COL5A1: variants seen among roughly 807,000 people sequenced by gnomAD.
The protein encoded by COL5A1 is collagen type V alpha 1 chain.
Under a neutral mutation model 263.7 loss-of-function variants are expected in COL5A1, and 16 were observed. The observed-to-expected ratio is 0.06, with a 90% confidence interval of 0.04 to 0.09. The LOEUF is 0.09. Ranked by LOEUF, COL5A1 falls within the 10% of genes least tolerant of loss-of-function variation. COL5A1 has a pLI of 1.00. For synonymous variants in COL5A1, 1,012 were observed against 1,004.5 expected, an observed-to-expected ratio of 1.01 and a Z score of -0.14; for missense variants, 2,036 against 2,540.5, an observed-to-expected ratio of 0.80 and a Z score of 4.27.
At chr9:134,763,798 G>C (rs935148084) in intron 20 of COL5A1, 61 bp downstream of exon 20, 1 of 1,508,896 alleles carries the variant, frequency 6.6e-7, no homozygotes, top group Non-Finnish European at 9.2e-7. Context: ...TTTGTCCAAG[G>C]CTCCTGCTGG....
chr9:134,645,140 G>T (rs1217438251), intron 1 of COL5A1, among the ~76,000 whole-genome samples: 1 of 152,216 alleles, frequency 6.6e-6, no homozygotes, highest in African/African-American at 2.4e-5. Flanking sequence ...CCAGGCAGGG[G>T]CGTGCTCCCA....
chr9:134,662,124 C>T (rs1237555274), intron 1 of COL5A1, among the ~76,000 whole-genome samples: 5 of 146,988 alleles, frequency 3.4e-5, no homozygotes, highest in Non-Finnish European at 7.4e-5. Flanking sequence ...AAATGTGATG[C>T]CTGGTCAATA....
intron 37 of COL5A1, among the ~76,000 whole-genome samples, chr9:134,799,663 T>C (rs545352888): frequency 6.6e-6 from 1 of 152,318 alleles, no homozygotes; most frequent in African/African-American, 2.4e-5. Flanking sequence ...CTCTCTTTGG[T>C]TCATCGTGAT....
rs751422216 is a variant in COL5A1 at position 134,795,070 on chromosome 9, C to T, written c.2701-12C>T. 6.2e-7 allele frequency: 1 copy of T among 1,613,872 alleles called. No homozygotes were observed. Among genetic ancestry groups the T allele is most frequent in the South Asian group, 1.1e-5 (1 of 91,074 alleles). ...TTAGAGAGTGACTGACCAGCCCCTT[C>T]TCTGATTCTAGGGGACCCCTGGAAA... On this transcript the variant is annotated splice_polypyrimidine_tract_variant and intron_variant, in intron 32 of 65. Transcript: ENST00000371817.
chr9:134,809,133 T>G, intron 42 of COL5A1, 50 bp from the exon 43 acceptor site: 1 of 1,443,072 alleles, frequency 6.9e-7, no homozygotes, highest in Non-Finnish European at 9.5e-7. Flanking sequence ...GGTGGGGGGA[T>G]GTTCCCAGGT....
chr9:134,673,549 A>G (rs1832603938), intron 1 of COL5A1, among the ~76,000 whole-genome samples: 1 of 152,184 alleles, frequency 6.6e-6, no homozygotes, highest in Non-Finnish European at 1.5e-5. Context: ...CTTACCTCAA[A>G]TAATATACAA....
chr9:134,823,902 TG>T (rs376462596), intron 61 of COL5A1, among the ~76,000 whole-genome samples: 13 of 152,050 alleles, frequency 8.5e-5, no homozygotes, highest in African/African-American at 2.9e-4. Flanking sequence ...CATGCATATA[TG>T]TGGGGCACAT....
chr9:134,789,820 G>A lies in COL5A1; in HGVS notation c.2700+612G>A, dbSNP rs190917499. Among the ~76,000 whole-genome samples, 3 of 152,312 alleles carry A rather than the reference G, an allele frequency of 2.0e-5. No homozygotes were observed. The highest frequency in any genetic ancestry group is 1.3e-4 in the Admixed American group (2 of 15,300). ...CTGGCCCAGGCCTCCCTGCAGGAGC[G>A]GTCCTGGATGCTTGTTAGTGAAATC... On this transcript the variant is annotated intron_variant, in intron 32 of 65. Transcript: ENST00000371817. The surrounding 1 kb of genome is among the most constrained non-coding windows in gnomAD (Gnocchi z 4.8).
At position 134,835,108 on chromosome 9, in the gene COL5A1, C is replaced by T. The variant is rs1470851092; in HGVS notation, c.5274C>T (p.Gly1758=). The T allele has an allele frequency of 3.7e-6, 6 of 1,613,702 alleles. No individual in the cohort carries two copies. Among genetic ancestry groups the T allele is most frequent in the Admixed American group, 1.7e-5 (1 of 60,006 alleles). The change falls in exon 65 of 66, where the codon GGC becomes GGT. Residue 1758 remains glycine (G), a synonymous_variant. Coordinates refer to ENST00000371817, the MANE Select transcript of COL5A1 (RefSeq NM_000093.5). The part of the protein sequence containing the change: ...QSVAWQDAAT[G]SYDKALRFLG... ...TGGCCTGGCAGGACGCAGCCACGGG[C>T]AGCTACGACAAGGCCCTCCGCTTCC...
rs543924747 is a variant in COL5A1 at position 134,682,978 on chromosome 9, A to T, written c.110-7934A>T. 6.6e-6 allele frequency among the ~76,000 whole-genome samples: 1 copy of T among 152,270 alleles called. No homozygotes were observed. The highest frequency in any genetic ancestry group is 2.1e-4 in the South Asian group (1 of 4,824). ...AAAAGGAATTAGAGAAAAAGATCCA[A>T]TGCAGACCCCAGCAGGCCTCGTAGG... On this transcript the variant is annotated intron_variant, in intron 1 of 65. Coordinates refer to ENST00000371817, the MANE Select transcript of COL5A1 (RefSeq NM_000093.5). The surrounding 1 kb of genome is among the most constrained non-coding windows in gnomAD (Gnocchi z 5.1).
rs764380218 is a variant in COL5A1 at position 134,818,831 on chromosome 9, G to T, written c.4339-17G>T. On this transcript the variant is annotated splice_polypyrimidine_tract_variant and intron_variant, in intron 55 of 65. Coordinates refer to ENST00000371817, the MANE Select transcript of COL5A1 (RefSeq NM_000093.5). The surrounding 1 kb of genome is among the most constrained non-coding windows in gnomAD (Gnocchi z 6.0). The stretch of plus-strand genomic sequence containing the variant: ...ACGGGGGACCAGCAACTCATGCAGA[G>T]CGTCTCTGTGTTTCAGGGAGAACAA... 2 of 1,613,222 alleles carry T rather than the reference G, an allele frequency of 1.2e-6. No homozygotes were observed. Among genetic ancestry groups the T allele is most frequent in the East Asian group, 2.2e-5 (1 of 44,840 alleles).
intron 43 of COL5A1, 46 bp downstream of exon 43, chr9:134,809,336 A>C (rs1289820345): frequency 6.9e-7 from 1 of 1,447,942 alleles, no homozygotes; most frequent in Non-Finnish European, 9.6e-7. Context: ...GGCTGGGCAG[A>C]CGGGTGTGGG....
intron 21 of COL5A1, among the ~76,000 whole-genome samples, chr9:134,766,131 C>T (rs1836653096): frequency 6.6e-6 from 1 of 152,164 alleles, no homozygotes. Flanking sequence ...GGGCTGTGTC[C>T]CGGTGGGCAG....
At chr9:134,663,525 C>T (rs927707396) in intron 1 of COL5A1, among the ~76,000 whole-genome samples, 1 of 152,208 alleles carries the variant, frequency 6.6e-6, no homozygotes, top group African/African-American at 2.4e-5. Flanking sequence ...CCTCCTCCTC[C>T]AGTTCCTTCT....
rs568328008 is a variant in COL5A1 at position 134,827,111 on chromosome 9, A to G, written c.5067+1207A>G. ...AAAGGCCGCCCATTTCTGGGGCCGC[A>G]GCGGTTTGCTGTGCAGGTCCAGACC... On this transcript the variant is annotated intron_variant, in intron 63 of 65. Transcript: ENST00000371817. 2.6e-5 allele frequency among the ~76,000 whole-genome samples: 4 copies of G among 152,310 alleles called. No homozygotes were observed. The East Asian group carries it at 7.7e-4, about 29-fold the overall frequency.
chr9:134,817,781 C>A lies in COL5A1; in HGVS notation c.4180C>A (p.Pro1394Thr). ...GPSGPPGKRG[P>T]PGPAGPEGRQ... ...GCTGTTCTCTTGCTTCTTTCAGGGT[C>A]CCCCAGGCCCCGCAGGCCCCGAAGG... Residue 1394 changes from proline to threonine, a missense_variant, in exon 54 of 66, where the codon CCC becomes ACC. Physicochemically the swap from Pro to Thr is conservative, Grantham distance 38. This residue lies in a region of COL5A1 where 1,078 missense variants were observed against 1,521.4 expected (regional missense o/e 0.71). Transcript: ENST00000371817. 1 of 1,611,942 alleles carries A rather than the reference C, an allele frequency of 6.2e-7. No homozygotes were observed. Among genetic ancestry groups the A allele is most frequent in the Non-Finnish European group, 8.5e-7 (1 of 1,179,054 alleles).
At chr9:134,743,171 C>G (rs1471409125) in intron 11 of COL5A1, among the ~76,000 whole-genome samples, 1 of 152,202 alleles carries the variant, frequency 6.6e-6, no homozygotes, top group Non-Finnish European at 1.5e-5. Context: ...AAAAGCCTTG[C>G]ACCCCAGGCA....
intron 1 of COL5A1, among the ~76,000 whole-genome samples, chr9:134,670,239 A>G (rs1357953660): frequency 2.0e-5 from 3 of 152,220 alleles, no homozygotes; most frequent in South Asian, 2.1e-4. Context: ...TTGGATGAAC[A>G]TCTTTCTGAT....
At chr9:134,801,849 C>A (rs1419001379) in intron 37 of COL5A1, 105 bp from the exon 38 acceptor site, 1 of 1,022,492 alleles carries the variant, frequency 9.8e-7, no homozygotes, top group Non-Finnish European at 1.6e-6. Flanking sequence ...AACATCTACT[C>A]TGGGGGGAAG....
Sources: gnomAD v4.1 joint callset for allele counts (sites outside exome capture counted in the v4.1 genomes callset) on GRCh38, gnomAD v4.1.1 for gene constraint, gnomAD v4.1.1 regional missense constraint, Gnocchi (gnomAD v3.1) non-coding constraint, MANE v1.5 for transcripts, NCBI Gene and HGNC (gene_info 2026-07-23, HGNC 2026-07-21) for gene names.